Variants in CAST observed in about 807,000 individuals in gnomAD.
CAST encodes the protein MIR583 host.
Under a neutral mutation model 119.6 loss-of-function variants are expected in CAST, and 76 were observed. That is an observed-to-expected ratio of 0.64 (90% CI 0.53 to 0.77). The LOEUF (loss-of-function observed/expected upper bound fraction) is 0.77. Among genes scored for constraint, CAST ranks in the 30% least tolerant of loss-of-function variants. The pLI is 0.00. For synonymous variants in CAST, 319 were observed against 331.6 expected, an observed-to-expected ratio of 0.96 and a Z score of 0.41; for missense variants, 953 against 946.5, an observed-to-expected ratio of 1.01 and a Z score of -0.09.
At chr5:96,528,977 A>T (rs1159628848), upstream of CAST, among the ~76,000 whole-genome samples, 2 of 152,202 alleles carry the variant, frequency 1.3e-5, no homozygotes, top group Non-Finnish European at 2.9e-5. Context: ...ATTGACATAA[A>T]CCTGGTGACT....
chr5:96,766,906 A>G (rs146795218), intron 27 of CAST, among the ~76,000 whole-genome samples: 80 of 152,320 alleles, frequency 5.3e-4, no homozygotes, highest in African/African-American at 1.8e-3. Flanking sequence ...AGGGTCTCCT[A>G]TTACAGGAAC....
the CAST span, among the ~76,000 whole-genome samples, chr5:96,327,490 C>T: frequency 1.2e-4 from 18 of 152,288 alleles, no homozygotes; most frequent in East Asian, 3.5e-3. Context: ...ATCCTTTTTA[C>T]AGGAAAGATG....
the CAST span, among the ~76,000 whole-genome samples, chr5:96,239,464 G>A: frequency 1.3e-5 from 2 of 151,954 alleles, no homozygotes; most frequent in Non-Finnish European, 2.9e-5. Flanking sequence ...TTTGGGGGGA[G>A]TATAAACTTT....
the CAST span, among the ~76,000 whole-genome samples, chr5:96,188,527 A>G: frequency 1.3e-5 from 2 of 152,042 alleles, no homozygotes; most frequent in African/African-American, 4.8e-5. Flanking sequence ...AACTTTTTCT[A>G]TGTCTGTGAT....
intron 3 of CAST, among the ~76,000 whole-genome samples, chr5:96,709,434 T>C (rs1561502153): frequency 6.6e-6 from 1 of 152,224 alleles, no homozygotes; most frequent in Non-Finnish European, 1.5e-5. Context: ...TCCCTCCCCG[T>C]TAGGTTACTT....
chr5:96,123,458 C>T, the CAST span, among the ~76,000 whole-genome samples: 1 of 152,192 alleles, frequency 6.6e-6, no homozygotes, highest in Non-Finnish European at 1.5e-5. Context: ...AAAACAAAAT[C>T]ATGATGTGGA....
the CAST span, among the ~76,000 whole-genome samples, chr5:96,400,815 C>A: frequency 2.0e-5 from 3 of 151,626 alleles, no homozygotes; most frequent in Admixed American, 1.3e-4. Context: ...AGGCTGGGCG[C>A]GGTGGCTCAC....
intron 1 of CAST, among the ~76,000 whole-genome samples, 153 bp downstream of exon 1, chr5:96,662,650 C>CCGGG (rs1748701789): frequency 1.6e-5 from 1 of 62,664 alleles, no homozygotes; most frequent in Admixed American, 1.6e-4. Flanking sequence ...TTGGCCGCTG[C>CCGGG]CAGGCAGGTG....
chr5:96,376,385 T>C, the CAST span, among the ~76,000 whole-genome samples: 1 of 152,124 alleles, frequency 6.6e-6, no homozygotes, highest in Non-Finnish European at 1.5e-5. Flanking sequence ...AATAAACAAC[T>C]ATGTTACTAG....
chr5:96,126,044 AT>A, the CAST span, among the ~76,000 whole-genome samples: 1 of 152,182 alleles, frequency 6.6e-6, no homozygotes, highest in Non-Finnish European at 1.5e-5. Flanking sequence ...TCATTCAAAA[AT>A]TACCTGCTTT....
At chr5:96,708,237 G>C (rs1210961324) in intron 3 of CAST, among the ~76,000 whole-genome samples, 1 of 152,146 alleles carries the variant, frequency 6.6e-6, no homozygotes, top group East Asian at 1.9e-4. Flanking sequence ...AGGTGAGTCT[G>C]CATCAGGGAA....
At chr5:96,610,042 A>AGGG (rs1747331312) in intron 1 of CAST, among the ~76,000 whole-genome samples, 1 of 152,154 alleles carries the variant, frequency 6.6e-6, no homozygotes, top group Admixed American at 6.5e-5. Context: ...ATGTCCTGGG[A>AGGG]GGGACACAGT....
the CAST span, among the ~76,000 whole-genome samples, chr5:96,508,950 T>C: frequency 9.8e-5 from 15 of 152,308 alleles, no homozygotes; most frequent in African/African-American, 3.4e-4. Flanking sequence ...TAAAGAGGAA[T>C]TTAGAATAAT....
Position 96,729,631 on chromosome 5 carries a change from A to C in CAST, c.455A>C (p.Gln152Pro), listed in dbSNP as rs778768610. Residue 152 changes from glutamine to proline, a missense_variant, in exon 8 of 32, where the codon CAG becomes CCG. Transcript: ENST00000675179. Reference sequence around the variant, plus strand: ...TTTCAGCCAAAAAGCCTACCCAAGCAGGCATCAGATACAGGAAGTAACGAT... The same window carrying C: ...TTTCAGCCAAAAAGCCTACCCAAGCCGGCATCAGATACAGGAAGTAACGAT... ...EHTEPKSLPK[Q>P]ASDTGSNDAH... is the part of the protein sequence containing the mutation. The C allele has an allele frequency of 5.7e-6, 9 of 1,571,962 alleles. No individual in the cohort carries two copies. The highest frequency in any genetic ancestry group is 7.0e-6 in the Non-Finnish European group (8 of 1,141,880).
At chr5:96,304,927 A>G in the CAST span, among the ~76,000 whole-genome samples, 1 of 152,152 alleles carries the variant, frequency 6.6e-6, no homozygotes, top group Non-Finnish European at 1.5e-5. Flanking sequence ...TTTCTTGGCT[A>G]TGTGGGCTCT....
chr5:96,472,364 G>A, the CAST span, among the ~76,000 whole-genome samples: 107,398 of 152,014 alleles, frequency 0.71, 38,483 homozygotes, highest in African/African-American at 0.81. Context: ...ATTCTTTCCA[G>A]TGTCAGCTCT....
chr5:96,212,743 T>G, the CAST span, among the ~76,000 whole-genome samples: 2 of 152,190 alleles, frequency 1.3e-5, no homozygotes, highest in African/African-American at 2.4e-5. Flanking sequence ...AGTTTTTGTT[T>G]CAGATATTTC....
the CAST span, among the ~76,000 whole-genome samples, chr5:96,083,696 G>T: frequency 6.6e-6 from 1 of 152,230 alleles, no homozygotes; most frequent in Non-Finnish European, 1.5e-5. Flanking sequence ...TAGGAGGTCT[G>T]GAGGGCACCA....
intron 1 of CAST, among the ~76,000 whole-genome samples, chr5:96,575,460 C>T (rs1418126746): frequency 6.6e-6 from 1 of 152,080 alleles, no homozygotes; most frequent in African/African-American, 2.4e-5. Context: ...ACAGAATGAA[C>T]ATCCTTGCCT....
Sources: gnomAD v4.1 joint callset for allele counts (sites outside exome capture counted in the v4.1 genomes callset) on GRCh38, gnomAD v4.1.1 for gene constraint, MANE v1.5 for transcripts, NCBI Gene and HGNC (gene_info 2026-07-23, HGNC 2026-07-21) for gene names.